Variants in PPP2R5E observed in about 807,000 individuals in gnomAD.
PPP2R5E encodes the protein protein phosphatase 2 regulatory subunit B'epsilon.
In PPP2R5E, 4 loss-of-function variants were observed where a neutral mutation model predicts 65.3. The observed-to-expected ratio is 0.06, with a 90% CI of 0.03 to 0.14. The LOEUF is 0.14. Ranked by LOEUF, PPP2R5E falls within the 10% of genes least tolerant of loss-of-function variation. The pLI is 1.00. For synonymous variants in PPP2R5E, 183 were observed against 187.4 expected (o/e 0.98, Z 0.19); for missense variants, 274 against 556.1 (o/e 0.49, Z 5.10).
chr14:63,429,789 T>C (rs1193990294), intron 3 of PPP2R5E, among the ~76,000 whole-genome samples: 1 of 152,148 alleles, frequency 6.6e-6, no homozygotes, highest in African/African-American at 2.4e-5. Flanking sequence ...ATTCAAGTGA[T>C]TCTCCTGCCT....
chr14:63,467,277 T>C lies in PPP2R5E; in HGVS notation c.158-13392A>G, dbSNP rs138695877. The stretch of plus-strand genomic sequence containing the variant: ...CACTATTTACAACATGTTCCTTCTA[T>C]GCTGCTGGTTTCCTAGCCACAAAAC... On this transcript the variant is annotated intron_variant, in intron 2 of 13. Transcript: ENST00000337537. Among the ~76,000 whole-genome samples the C allele has an allele frequency of 2.8e-3, 431 of 151,700 alleles. 2 individuals are homozygous for C. The East Asian group carries it at 0.032, about 11-fold the overall frequency.
intron 2 of PPP2R5E, among the ~76,000 whole-genome samples, chr14:63,495,532 A>G (rs761511664): frequency 6.6e-6 from 1 of 150,776 alleles, no homozygotes; most frequent in African/African-American, 2.4e-5. Context: ...AGTGAGCTGA[A>G]ATTGTGCCAC....
intron 2 of PPP2R5E, among the ~76,000 whole-genome samples, chr14:63,467,493 C>T (rs1033744): frequency 0.3 from 45,440 of 151,848 alleles, 8,481 homozygotes; most frequent in African/African-American, 0.53. Flanking sequence ...CTGAAAATGA[C>T]TTTCCCTTTC....
At chr14:63,449,252 T>C (rs1888677279) in intron 3 of PPP2R5E, among the ~76,000 whole-genome samples, 2 of 152,168 alleles carry the variant, frequency 1.3e-5, no homozygotes, top group Admixed American at 6.5e-5. Flanking sequence ...ATCTTGGAAT[T>C]AGAGAACTTA....
At chr14:63,437,521 C>G (rs1229967119) in intron 3 of PPP2R5E, among the ~76,000 whole-genome samples, 1 of 152,086 alleles carries the variant, frequency 6.6e-6, no homozygotes, top group Non-Finnish European at 1.5e-5. Context: ...AGCACAAATA[C>G]AAAACTTAAT....
chr14:63,398,581 G>C (rs888416883), intron 5 of PPP2R5E, among the ~76,000 whole-genome samples: 2 of 152,214 alleles, frequency 1.3e-5, no homozygotes, highest in Non-Finnish European at 2.9e-5. Context: ...CACGAGGTCA[G>C]GGGTTTGAGA....
At chr14:63,508,128 A>G (rs866184975) in intron 2 of PPP2R5E, 2 of 984,776 alleles carry the variant, frequency 2.0e-6, no homozygotes, top group African/African-American at 3.5e-5. Context: ...TACACACACG[A>G]GTGTTCTCTT....
intron 13 of PPP2R5E, among the ~76,000 whole-genome samples, chr14:63,378,452 C>T (rs1884115185): frequency 6.6e-6 from 1 of 152,184 alleles, no homozygotes. Flanking sequence ...TAAGTGTTGA[C>T]ATCATTAAAA....
chr14:63,393,984 A>T, intron 7 of PPP2R5E, 56 bp from the exon 8 acceptor site: 2 of 1,047,286 alleles, frequency 1.9e-6, no homozygotes, highest in Non-Finnish European at 3.0e-6. Flanking sequence ...GAACTGAGAC[A>T]AACTGTTCTT....
At chr14:63,389,207 G>A (rs1884862564) in intron 11 of PPP2R5E, among the ~76,000 whole-genome samples, 1 of 150,962 alleles carries the variant, frequency 6.6e-6, no homozygotes. Flanking sequence ...AAAGTATCTA[G>A]CATAGTAAGG....
chr14:63,465,987 T>C (rs1889773437), intron 2 of PPP2R5E, among the ~76,000 whole-genome samples: 1 of 152,118 alleles, frequency 6.6e-6, no homozygotes, highest in Non-Finnish European at 1.5e-5. Context: ...GCATGTAACA[T>C]TCAATTGACC....
At chr14:63,433,337 C>T (rs1377424187) in intron 3 of PPP2R5E, among the ~76,000 whole-genome samples, 1 of 152,102 alleles carries the variant, frequency 6.6e-6, no homozygotes, top group African/African-American at 2.4e-5. Flanking sequence ...TGTCTACAGT[C>T]ATATTTAAAA....
intron 3 of PPP2R5E, among the ~76,000 whole-genome samples, chr14:63,429,518 T>C (rs1887509798): frequency 6.6e-6 from 1 of 152,206 alleles, no homozygotes; most frequent in East Asian, 1.9e-4. Context: ...TTCAATGGTA[T>C]CCCTGAGTTT....
intron 5 of PPP2R5E, among the ~76,000 whole-genome samples, chr14:63,398,667 G>A (rs1885549671): frequency 6.6e-6 from 1 of 152,180 alleles, no homozygotes; most frequent in African/African-American, 2.4e-5. Flanking sequence ...GCACATGCCT[G>A]TAATCCCAGG....
Position 63,374,938 on chromosome 14 carries a change from C to T in PPP2R5E, c.*1071G>A, listed in dbSNP as rs909790458. The T allele has an allele frequency of 2.0e-5, 3 of 152,158 alleles. No individual in the cohort carries two copies. The highest frequency in any genetic ancestry group is 4.8e-5 in the African/African-American group (2 of 41,328). 9.4% of individuals were successfully genotyped at this position (152,158 alleles called of 1,614,324 possible). ...GCTGGCGCTGTGATGAGATATAGAA[C>T]GAGAATCTACAAAAAACACTGTAAC... On this transcript the variant is annotated 3_prime_UTR_variant, in exon 14 of 14. Transcript: ENST00000337537.
At chr14:63,393,127 C>T (rs1229090403) in intron 8 of PPP2R5E, among the ~76,000 whole-genome samples, 1 of 152,150 alleles carries the variant, frequency 6.6e-6, no homozygotes, top group African/African-American at 2.4e-5. Context: ...GATAGACTAA[C>T]GCAAAGTAGG....
chr14:63,514,851 A>G (rs1379680828), intron 2 of PPP2R5E, among the ~76,000 whole-genome samples: 2 of 152,212 alleles, frequency 1.3e-5, no homozygotes, highest in African/African-American at 4.8e-5. Context: ...TCTAAAATGA[A>G]TCCTGCAAGG....
intron 2 of PPP2R5E, among the ~76,000 whole-genome samples, chr14:63,458,709 T>C (rs563114977): frequency 6.6e-6 from 1 of 152,220 alleles, no homozygotes; most frequent in Non-Finnish European, 1.5e-5. Context: ...TAAGTATTTC[T>C]ATAAAATGTT....
intron 2 of PPP2R5E, among the ~76,000 whole-genome samples, chr14:63,484,621 A>G (rs1340417024): frequency 6.6e-6 from 1 of 152,202 alleles, no homozygotes; most frequent in Non-Finnish European, 1.5e-5. Context: ...AAACAAAATT[A>G]TAATTCAAAC....
Sources: gnomAD v4.1 joint callset for allele counts (sites outside exome capture counted in the v4.1 genomes callset) on GRCh38, gnomAD v4.1.1 for gene constraint, MANE v1.5 for transcripts, NCBI Gene and HGNC (gene_info 2026-07-23, HGNC 2026-07-21) for gene names.